Variants in CTNS observed in about 807,000 individuals in gnomAD.
The protein encoded by CTNS is cystinosin.
In CTNS, 27 loss-of-function variants were observed where a neutral mutation model predicts 43.7. The ratio of observed to expected loss-of-function variants is 0.62; its 90% CI spans 0.46 to 0.85. CTNS has a LOEUF of 0.85. CTNS is among the 40% of genes least tolerant of loss of function. The probability of loss-of-function intolerance (pLI) is 0.00; values close to 1 mark genes in which losing one functional copy is unlikely to be tolerated. For missense variants in CTNS, 457 were observed against 475.4 expected, an observed-to-expected ratio of 0.96 and a Z score of 0.36; for synonymous variants, 187 against 190.6, an observed-to-expected ratio of 0.98 and a Z score of 0.16.
intron 2 of CTNS, 23 bp from the exon 3 acceptor site, chr17:3,640,165 T>C (rs1425244139): frequency 6.3e-7 from 1 of 1,587,762 alleles, no homozygotes; most frequent in African/African-American, 1.3e-5. Flanking sequence ...CCTGAACTTC[T>C]CTCTTGCTGT....
chr17:3,659,877 A>G lies in CTNS; in HGVS notation c.872A>G (p.Tyr291Cys), dbSNP rs766108462. The G allele has an allele frequency of 6.2e-7, 1 of 1,613,834 alleles. No homozygotes were observed. Among genetic ancestry groups the G allele is most frequent in the Admixed American group, 1.7e-5 (1 of 60,030 alleles). Residue 291 changes from tyrosine (Y) to cysteine (C), a missense_variant, in exon 11 of 12, where the codon TAC (tyrosine) becomes TGC (cysteine). Tyr to Cys is a radical substitution (Grantham distance 194). Coordinates refer to ENST00000046640, the MANE Select transcript of CTNS (RefSeq NM_004937.3). ...GCCCAGGCCTACATGAACTTTTACT[A>G]CAAAAGCACTGAGGGCTGGAGCATT... is the stretch of plus-strand genomic sequence containing the variant. The part of the protein sequence containing the change: ...YFPQAYMNFY[Y>C]KSTEGWSIGN...
intron 3 of CTNS, among the ~76,000 whole-genome samples, chr17:3,646,426 T>G (rs1404941931): frequency 1.3e-5 from 2 of 151,610 alleles, no homozygotes; most frequent in Non-Finnish European, 2.9e-5. Flanking sequence ...TAGCCGGGAC[T>G]ACAGGTGCAT....
rs1465310795 is a variant in CTNS, at chr17:3,660,697, A to G, written c.*328A>G. On this transcript the variant is annotated 3_prime_UTR_variant, in exon 12 of 12. Coordinates refer to ENST00000046640, the MANE Select transcript of CTNS (RefSeq NM_004937.3). The stretch of plus-strand genomic sequence containing the variant: ...AGCTTGCAGCCGAAGGCCTTGCCCC[A>G]AACTACCAGCGTTTCTGCAAGCAGC... 3 of 1,613,550 alleles carry G rather than the reference A, an allele frequency of 1.9e-6. No individual in the cohort carries two copies. In the South Asian group the frequency reaches 3.3e-5, roughly 18 times the overall value.
At chr17:3,647,708 C>T in intron 4 of CTNS, 186 bp downstream of exon 4, 2 of 642,740 alleles carry the variant, frequency 3.1e-6, no homozygotes, top group South Asian at 1.7e-5. Flanking sequence ...AAGGCTGACC[C>T]CCACCCTGAG....
rs746112494 is a variant in CTNS, at chr17:3,656,808, C to T, written c.681+13C>T. On this transcript the variant is annotated intron_variant, in intron 9 of 11. Transcript: ENST00000046640. ...CTGCCTGTATGAGGTGAGACCAGCC[C>T]TGGCCCCCCACAGGCCACCCCAGCC... 2 of 1,612,844 alleles carry T rather than the reference C, an allele frequency of 1.2e-6. No individual in the cohort carries two copies. The highest frequency in any genetic ancestry group is 2.7e-5 in the African/African-American group (2 of 74,920).
intron 10 of CTNS, among the ~76,000 whole-genome samples, chr17:3,659,412 C>T (rs564684770): frequency 6.6e-6 from 1 of 152,328 alleles, no homozygotes; most frequent in South Asian, 2.1e-4. Flanking sequence ...CAGCAGGCTC[C>T]GGTGATGGAG....
intron 7 of CTNS, 111 bp downstream of exon 7, chr17:3,655,463 C>A: frequency 1.3e-6 from 2 of 1,499,094 alleles, no homozygotes; most frequent in Non-Finnish European, 1.8e-6. Flanking sequence ...CTTCTGTCTG[C>A]CTACCCTTTC....
chr17:3,659,877 A>C lies in CTNS; in HGVS notation c.872A>C (p.Tyr291Ser), dbSNP rs766108462. The change falls in exon 11 of 12, where the codon TAC becomes TCC. Residue 291 changes from tyrosine to serine, a missense_variant. Coordinates refer to ENST00000046640, the MANE Select transcript of CTNS (RefSeq NM_004937.3). ...YFPQAYMNFY[Y>S]KSTEGWSIGN... ...GCCCAGGCCTACATGAACTTTTACT[A>C]CAAAAGCACTGAGGGCTGGAGCATT... 1.9e-6 allele frequency: 3 copies of C among 1,613,834 alleles called. No homozygotes were observed. Among genetic ancestry groups the C allele is most frequent in the South Asian group, 2.2e-5 (2 of 91,080 alleles).
At position 3,637,174 on chromosome 17, in the gene CTNS, G is replaced by T. The variant is rs1261104971; in HGVS notation, c.-162G>T. On this transcript the variant is annotated 5_prime_UTR_variant, in exon 2 of 12. Transcript: ENST00000046640. ...TTGACGTGCGGAGTGCGGGGCTCCG[G>T]GGGACTGAGCAGCACGAGACCCCAT... The T allele has an allele frequency of 6.6e-6, 1 of 152,256 alleles. No individual in the cohort carries two copies. Among genetic ancestry groups the T allele is most frequent in the Non-Finnish European group, 1.5e-5 (1 of 68,072 alleles). 9.4% of individuals were successfully genotyped at this position (152,256 alleles called of 1,614,324 possible).
intron 2 of CTNS, among the ~76,000 whole-genome samples, chr17:3,638,331 G>A (rs934230024): frequency 1.3e-5 from 2 of 151,418 alleles, no homozygotes; most frequent in Non-Finnish European, 1.5e-5. Context: ...TCCACCTCCC[G>A]GGTTCAAGCG....
chr17:3,639,515 A>G (rs2075627907), intron 2 of CTNS, among the ~76,000 whole-genome samples: 1 of 151,948 alleles, frequency 6.6e-6, no homozygotes, highest in Non-Finnish European at 1.5e-5. Flanking sequence ...TAAAAATACA[A>G]AAGTTAGCCG....
chr17:3,658,233 C>T (rs1430655136), intron 10 of CTNS, 58 bp downstream of exon 10: 2 of 1,600,342 alleles, frequency 1.2e-6, no homozygotes, highest in Non-Finnish European at 1.7e-6. Flanking sequence ...GCTACATGGC[C>T]CAGGCCCTGC....
chr17:3,642,192 AGCCCCATTAGTAAT>A, intron 3 of CTNS, among the ~76,000 whole-genome samples: 1 of 151,056 alleles, frequency 6.6e-6, no homozygotes, highest in East Asian at 1.9e-4. Flanking sequence ...TACTCTTTAA[AGCCCCATTAGTAAT>A]GCTAACACGC....
intron 10 of CTNS, 62 bp from the exon 11 acceptor site, chr17:3,659,796 C>T (rs1034616395): frequency 2.5e-6 from 3 of 1,216,292 alleles, no homozygotes; most frequent in East Asian, 2.3e-5. Context: ...AGTCACGAGG[C>T]GCATGAGGCA....
Position 3,656,477 on chromosome 17 carries a change from C to T in CTNS, c.462-10C>T, listed in dbSNP as rs765481486. ...CCCCCTGCCCTGTCTTGTCCCTCCA[C>T]CCCCTGCAGTGTCATTGGTCTGAGC... On this transcript the variant is annotated splice_polypyrimidine_tract_variant and intron_variant, in intron 7 of 11. Transcript: ENST00000046640. The T allele has an allele frequency of 2.7e-5, 42 of 1,580,306 alleles. No homozygotes were observed. Among genetic ancestry groups the T allele is most frequent in the Non-Finnish European group, 3.4e-5 (40 of 1,168,780 alleles).
chr17:3,642,532 A>G (rs1221254226), intron 3 of CTNS, among the ~76,000 whole-genome samples: 1 of 152,132 alleles, frequency 6.6e-6, no homozygotes, highest in Non-Finnish European at 1.5e-5. Context: ...TACTAAAAAT[A>G]CAAAATTAGC....
chr17:3,653,954 G>A (rs2076057019), intron 5 of CTNS, among the ~76,000 whole-genome samples: 1 of 152,126 alleles, frequency 6.6e-6, no homozygotes, highest in South Asian at 2.1e-4. Context: ...TTTCCTTGAA[G>A]CAGAGCATTT....
chr17:3,640,166 C>G (rs1428622338), intron 2 of CTNS, 22 bp from the exon 3 acceptor site: 1 of 1,589,140 alleles, frequency 6.3e-7, no homozygotes, highest in Admixed American at 1.7e-5. Context: ...CTGAACTTCT[C>G]TCTTGCTGTT....
chr17:3,650,864 G>C (rs996673775), intron 5 of CTNS, among the ~76,000 whole-genome samples: 2 of 152,114 alleles, frequency 1.3e-5, no homozygotes, highest in Non-Finnish European at 2.9e-5. Flanking sequence ...GTAAAGTGGC[G>C]CAATCTCAGC....
Sources: allele counts gnomAD v4.1 joint callset (sites outside exome capture counted in the v4.1 genomes callset), GRCh38; gene constraint gnomAD v4.1.1; transcripts MANE v1.5; gene names NCBI Gene and HGNC (gene_info 2026-07-23, HGNC 2026-07-21).